IQCM: variants seen among roughly 807,000 people sequenced by gnomAD.
IQCM encodes the protein IQ domain-containing protein M.
IQCM carries 45 observed loss-of-function variants against 57.6 expected under a neutral mutation model. The observed-to-expected ratio is 0.78, with a 90% CI of 0.62 to 1.00. The LOEUF (loss-of-function observed/expected upper bound fraction) is 1.00, where lower values mean the gene tolerates loss of function less well. Among genes scored for constraint, IQCM ranks in the 50% least tolerant of loss-of-function variants. IQCM has a pLI of 0.00. For synonymous variants in IQCM, 148 were observed against 158.9 expected, an observed-to-expected ratio of 0.93 and a Z score of 0.51; for missense variants, 468 against 511.6, an observed-to-expected ratio of 0.91 and a Z score of 0.82.
Position 149,667,094 on chromosome 4 carries a change from C to T in IQCM, c.565+15024G>A, listed in dbSNP as rs905542882. ...GAGCTCTGCTAAGGGGACAGACTGC[C>T]TCCTCAAGTGAGTCCCTGACCCCCA... is the stretch of plus-strand genomic sequence containing the variant. On this transcript the variant is annotated intron_variant, in intron 7 of 13. Coordinates refer to ENST00000636793, the MANE Select transcript of IQCM (RefSeq NM_001363507.2). 5.3e-5 allele frequency among the ~76,000 whole-genome samples: 8 copies of T among 152,168 alleles called. No homozygotes were observed. The South Asian group carries it at 1.0e-3, about 20-fold the overall frequency.
rs139238880 is a variant in IQCM at position 149,529,693 on chromosome 4, C to T, written c.1228+18762G>A. Among the ~76,000 whole-genome samples, 21 of 152,236 alleles carry T rather than the reference C, an allele frequency of 1.4e-4. 1 individual carries two copies. The East Asian group carries it at 4.1e-3, about 29-fold the overall frequency. On this transcript the variant is annotated intron_variant, in intron 12 of 13. Coordinates refer to ENST00000636793, the MANE Select transcript of IQCM (RefSeq NM_001363507.2). Reference sequence around the variant, plus strand: ...TGCTCCTCTTGAGAGGTTCCTGAATCCATCATTCTCATCATACCCTGTAAA... The same window carrying T: ...TGCTCCTCTTGAGAGGTTCCTGAATTCATCATTCTCATCATACCCTGTAAA...
chr4:149,792,181 T>G (rs1480612767), intron 2 of IQCM, among the ~76,000 whole-genome samples: 2 of 152,132 alleles, frequency 1.3e-5, no homozygotes, highest in African/African-American at 4.8e-5. Context: ...ATAGTATAGG[T>G]TATATTAATT....
rs138089148 is a variant in IQCM, at chr4:149,540,110, A to G, written c.1228+8345T>C. 2.0e-3 allele frequency among the ~76,000 whole-genome samples: 310 copies of G among 151,974 alleles called. 3 individuals are homozygous for G. The highest frequency in any genetic ancestry group is 6.9e-3 in the African/African-American group (288 of 41,458). ...CTACTTCAACACGACAGGAGTCCCT[A>G]TAAAACTGAAGAGATACTGAGGTGA... On this transcript the variant is annotated intron_variant, in intron 12 of 13. Transcript: ENST00000636793.
At chr4:149,449,187 C>A (rs1303542975) in intron 12 of IQCM, among the ~76,000 whole-genome samples, 2 of 130,064 alleles carry the variant, frequency 1.5e-5, no homozygotes, top group African/African-American at 5.7e-5. Flanking sequence ...CAACCCGCCA[C>A]CCCCCACCAC....
chr4:149,520,504 C>A (rs1408141826), intron 12 of IQCM, among the ~76,000 whole-genome samples: 4 of 152,152 alleles, frequency 2.6e-5, no homozygotes, highest in Admixed American at 2.6e-4. Flanking sequence ...CAACACAATA[C>A]TGCCTCCTTG....
At chr4:149,799,475 A>C (rs1773408410) in intron 2 of IQCM, among the ~76,000 whole-genome samples, 1 of 151,754 alleles carries the variant, frequency 6.6e-6, no homozygotes, top group Admixed American at 6.6e-5. Flanking sequence ...TAGAAGAAAA[A>C]AAATAAAGAT....
chr4:149,475,312 T>C (rs976723825), intron 12 of IQCM, among the ~76,000 whole-genome samples: 1 of 152,100 alleles, frequency 6.6e-6, no homozygotes, highest in Non-Finnish European at 1.5e-5. Context: ...ATTCCAGATT[T>C]TGAAGCAATT....
intron 8 of IQCM, among the ~76,000 whole-genome samples, chr4:149,593,683 T>A (rs1007714715): frequency 1.3e-5 from 2 of 152,294 alleles, no homozygotes; most frequent in Non-Finnish European, 2.9e-5. Context: ...TTGAATTTTG[T>A]CGATGGCCTT....
At chr4:149,619,993 C>T (rs1045816554) in intron 8 of IQCM, among the ~76,000 whole-genome samples, 1 of 151,988 alleles carries the variant, frequency 6.6e-6, no homozygotes, top group Admixed American at 6.6e-5. Flanking sequence ...CCCGTCTCTA[C>T]TAAAAATACA....
At chr4:149,570,899 C>T (rs1021006515) in intron 9 of IQCM, among the ~76,000 whole-genome samples, 3 of 151,970 alleles carry the variant, frequency 2.0e-5, no homozygotes, top group African/African-American at 4.8e-5. Context: ...TGAAAAAATG[C>T]TCAACATCAC....
intron 5 of IQCM, among the ~76,000 whole-genome samples, chr4:149,709,390 T>TG (rs1420180851): frequency 6.6e-6 from 1 of 152,120 alleles, no homozygotes; most frequent in African/African-American, 2.4e-5. Flanking sequence ...ACTTTGTGCC[T>TG]GCTTTACCCT....
intron 5 of IQCM, among the ~76,000 whole-genome samples, chr4:149,725,965 G>A (rs913474071): frequency 2.0e-5 from 3 of 151,722 alleles, no homozygotes; most frequent in Admixed American, 1.3e-4. Context: ...CTCTCTCAAC[G>A]AATAGCTATT....
At chr4:149,568,533 TC>T (rs1750849369) in intron 9 of IQCM, among the ~76,000 whole-genome samples, 1 of 152,080 alleles carries the variant, frequency 6.6e-6, no homozygotes, top group African/African-American at 2.4e-5. Flanking sequence ...ATGCCTGTTA[TC>T]CCACCACTTA....
intron 2 of IQCM, among the ~76,000 whole-genome samples, chr4:149,767,044 G>T (rs1375273295): frequency 6.6e-6 from 1 of 151,662 alleles, no homozygotes; most frequent in Non-Finnish European, 1.5e-5. Flanking sequence ...ATGTTTAAAA[G>T]GATCATATTT....
chr4:149,619,439 C>T (rs921025278), intron 8 of IQCM, among the ~76,000 whole-genome samples: 4 of 152,002 alleles, frequency 2.6e-5, no homozygotes. Flanking sequence ...TGTAACTATC[C>T]ATGTAAAACA....
chr4:149,488,879 G>A (rs568504912), intron 12 of IQCM, among the ~76,000 whole-genome samples: 15 of 152,254 alleles, frequency 9.9e-5, no homozygotes, highest in Middle Eastern at 3.4e-3. Context: ...GAAAATGTGA[G>A]TAGCCTTTTA....
chr4:149,432,848 C>A (rs1341802984), intron 13 of IQCM, among the ~76,000 whole-genome samples: 1 of 151,864 alleles, frequency 6.6e-6, no homozygotes, highest in African/African-American at 2.4e-5. Context: ...CAAAGACATA[C>A]AAATAGCGAA....
intron 5 of IQCM, among the ~76,000 whole-genome samples, chr4:149,695,479 G>T (rs1763267752): frequency 6.6e-6 from 1 of 152,134 alleles, no homozygotes; most frequent in South Asian, 2.1e-4. Flanking sequence ...GTAGAAGCAA[G>T]ATTTCTTTGG....
chr4:149,601,915 G>C (rs759983954), intron 8 of IQCM, among the ~76,000 whole-genome samples: 3 of 151,618 alleles, frequency 2.0e-5, no homozygotes, highest in African/African-American at 7.3e-5. Flanking sequence ...TTAGTCAGGC[G>C]TGGTGGCTGT....
Sources: gnomAD v4.1 joint callset for allele counts (sites outside exome capture counted in the v4.1 genomes callset) on GRCh38, gnomAD v4.1.1 for gene constraint, MANE v1.5 for transcripts, NCBI Gene and HGNC (gene_info 2026-07-23, HGNC 2026-07-21) for gene names.